Variants in RAB3GAP2 observed in about 807,000 individuals in gnomAD.
The protein encoded by RAB3GAP2 is RAB3 GTPase activating non-catalytic protein subunit 2.
Under a neutral mutation model 185.3 loss-of-function variants are expected in RAB3GAP2, and 87 were observed. That is an observed-to-expected ratio of 0.47 (90% CI 0.39 to 0.56). The LOEUF is 0.56. Among genes scored for constraint, RAB3GAP2 ranks in the 20% least tolerant of loss-of-function variants. RAB3GAP2 has a pLI of 0.00. For missense variants in RAB3GAP2, 1,492 were observed against 1,638.2 expected (o/e 0.91, Z 1.54); for synonymous variants, 554 against 576.1 (o/e 0.96, Z 0.55).
rs1457626488 is a variant in RAB3GAP2, at chr1:220,172,691, G to A, written c.2362C>T (p.Pro788Ser). ...LSKEKDILDK[P>S]QSICCLHTML... ...GTATGAAGACAGCAGATTGACTGTGGTTTATCCAAAATATCCTTTTCCTTT... is the reference window on the plus strand; with the variant it reads ...GTATGAAGACAGCAGATTGACTGTGATTTATCCAAAATATCCTTTTCCTTT... Residue 788 changes from proline (P) to serine (S), a missense_variant, in exon 22 of 35, where the codon CCA (proline) becomes TCA (serine). Physicochemically the swap from Pro to Ser is moderately conservative, Grantham distance 74 (BLOSUM62 -1). Transcript: ENST00000358951. 5 of 1,613,286 alleles carry A rather than the reference G, an allele frequency of 3.1e-6. No homozygotes were observed. In the East Asian group the frequency reaches 8.9e-5, roughly 29 times the overall value.
In RAB3GAP2 at chr1:220,172,019, G is replaced by A. The variant is rs1399533939; in HGVS notation, c.2447C>T (p.Ser816Phe). ...CATCTGCTGCCACCATGGGGACACA[G>A]ACTGAGAATCCCAGGTCTCATCGAT... ...VAIDETWDSQ[S>F]VSPWWQQMRT... The change falls in exon 23 of 35, where the codon TCT becomes TTT. Residue 816 changes from serine (S) to phenylalanine (F), a missense_variant. Coordinates refer to ENST00000358951, the MANE Select transcript of RAB3GAP2 (RefSeq NM_012414.4). 1 of 1,614,192 alleles carries A rather than the reference G, an allele frequency of 6.2e-7. No homozygotes were observed. The highest frequency in any genetic ancestry group is 8.5e-7 in the Non-Finnish European group (1 of 1,180,028).
chr1:220,200,727 C>A (rs553041232), intron 9 of RAB3GAP2: 1 of 478,860 alleles, frequency 2.1e-6, no homozygotes, highest in East Asian at 5.6e-5. Flanking sequence ...GAAATGTTTA[C>A]CAATAGGTTT....
At chr1:220,182,635 G>C in intron 20 of RAB3GAP2, 83 bp downstream of exon 20, 1 of 1,273,364 alleles carries the variant, frequency 7.9e-7, no homozygotes, top group Non-Finnish European at 1.1e-6. Context: ...AAAACAAATG[G>C]AATCTCTGAG....
intron 33 of RAB3GAP2, among the ~76,000 whole-genome samples, chr1:220,152,075 C>CT (rs918649857): frequency 1.2e-4 from 18 of 151,806 alleles, no homozygotes; most frequent in East Asian, 3.9e-4. Context: ...CCTCTAATGG[C>CT]TTTTTTTTGT....
chr1:220,150,451 C>CTTTTTTTTTTTTTTTT lies in RAB3GAP2; in HGVS notation c.*784_*799dup, dbSNP rs35147354. ...GACTTAAAATTTTTAGTATCTTTGC[C>CTTTTTTTTTTTTTTTT]TTTTTTTTTTTTTTTTTTTTACATA... On this transcript the variant is annotated 3_prime_UTR_variant, in exon 35 of 35. Transcript: ENST00000358951. 8.0e-6 allele frequency: 1 copy of CTTTTTTTTTTTTTTTT among 125,520 alleles called. No individual in the cohort carries two copies. The allele number at this position is 125,520 out of a possible 1,614,324, so 7.8% of individuals were successfully genotyped here.
intron 8 of RAB3GAP2, among the ~76,000 whole-genome samples, chr1:220,204,630 A>C (rs1003209476): frequency 3.9e-5 from 6 of 152,184 alleles, no homozygotes; most frequent in East Asian, 1.9e-4. Context: ...ACATGTGCAC[A>C]ATGTGCAGGA....
chr1:220,187,602 T>C (rs1658529317), intron 17 of RAB3GAP2, among the ~76,000 whole-genome samples: 1 of 152,108 alleles, frequency 6.6e-6, no homozygotes, highest in Non-Finnish European at 1.5e-5. Flanking sequence ...CAATCATGCT[T>C]ATATAATGAA....
intron 1 of RAB3GAP2, among the ~76,000 whole-genome samples, chr1:220,233,662 T>C (rs767913288): frequency 6.6e-6 from 1 of 152,018 alleles, no homozygotes; most frequent in African/African-American, 2.4e-5. Context: ...TTGAACTTTA[T>C]CATCTTTAAA....
chr1:220,172,062 G>A lies in RAB3GAP2; in HGVS notation c.2417-13C>T. 2 of 1,613,782 alleles carry A rather than the reference G, an allele frequency of 1.2e-6. No homozygotes were observed. The highest frequency in any genetic ancestry group is 2.2e-5 in the East Asian group (1 of 44,866). On this transcript the variant is annotated splice_polypyrimidine_tract_variant and intron_variant, in intron 22 of 34. Transcript: ENST00000358951. ...TCATCGATGGCCACTATAGGGATAG[G>A]AGAAAACAGAAAAATAAACTCTTAC...
intron 9 of RAB3GAP2, chr1:220,200,469 C>T: frequency 4.6e-6 from 2 of 437,394 alleles, no homozygotes; most frequent in Non-Finnish European, 9.4e-6. Flanking sequence ...AATAGGTACT[C>T]ATTTATTTGT....
At chr1:220,258,700 C>T (rs1269641033) in intron 1 of RAB3GAP2, among the ~76,000 whole-genome samples, 2 of 152,186 alleles carry the variant, frequency 1.3e-5, no homozygotes, top group Admixed American at 6.5e-5. Context: ...CCTCTCTCAC[C>T]ACTCTTATTC....
At chr1:220,165,644 T>C (rs1013153364) in intron 26 of RAB3GAP2, among the ~76,000 whole-genome samples, 11 of 152,080 alleles carry the variant, frequency 7.2e-5, no homozygotes, top group Admixed American at 2.0e-4. Flanking sequence ...GAATATTTAA[T>C]GGGAAAAACA....
chr1:220,202,690 C>T (rs1210930506), intron 8 of RAB3GAP2, among the ~76,000 whole-genome samples: 1 of 152,194 alleles, frequency 6.6e-6, no homozygotes, highest in East Asian at 1.9e-4. Context: ...TGCCTGTAAT[C>T]CCAGCACTTT....
intron 20 of RAB3GAP2, 147 bp from the exon 21 acceptor site, chr1:220,182,501 G>A: frequency 6.8e-7 from 1 of 1,468,130 alleles, no homozygotes; most frequent in South Asian, 1.3e-5. Context: ...ATTTATTAAA[G>A]CAGAAAGCAA....
In RAB3GAP2 at chr1:220,157,824, T is replaced by C. The variant is rs775333082; in HGVS notation, c.3314A>G (p.Asp1105Gly). ...TACCTCCATTAAGATCTGAAGAAGA[T>C]CCAAACAGGAGCCGAGGAAAGATGT... ...AMTSFLGSCL[D>G]LLQILMEADV... Residue 1105 changes from aspartate (D) to glycine (G), a missense_variant, in exon 30 of 35, where the codon GAT (aspartate) becomes GGT (glycine). Physicochemically the swap from Asp to Gly is moderately conservative, Grantham distance 94. Around this residue, in one of 5 missense-constraint regions of RAB3GAP2, gnomAD observed 387 missense variants for 455.3 expected, o/e 0.85. Transcript: ENST00000358951. The C allele has an allele frequency of 1.5e-5, 25 of 1,613,172 alleles. No individual in the cohort carries two copies. The highest frequency in any genetic ancestry group is 2.0e-5 in the Non-Finnish European group (24 of 1,179,282).
intron 1 of RAB3GAP2, among the ~76,000 whole-genome samples, chr1:220,250,402 C>CA (rs1295089730): frequency 2.0e-5 from 3 of 152,234 alleles, no homozygotes; most frequent in South Asian, 2.1e-4. Flanking sequence ...TGCCTGTACT[C>CA]ACATTGTATA....
At chr1:220,213,364 A>G (rs1659118705) in intron 3 of RAB3GAP2, among the ~76,000 whole-genome samples, 1 of 152,164 alleles carries the variant, frequency 6.6e-6, no homozygotes, top group Non-Finnish European at 1.5e-5. Context: ...CATTTTACAC[A>G]CAATCTTACT....
intron 17 of RAB3GAP2, among the ~76,000 whole-genome samples, chr1:220,186,473 T>C (rs1040408936): frequency 6.6e-6 from 1 of 152,096 alleles, no homozygotes; most frequent in African/African-American, 2.4e-5. Context: ...GCTTAGAGGG[T>C]GGCTCAAGAT....
chr1:220,262,325 AC>A (rs1447779698), intron 1 of RAB3GAP2, among the ~76,000 whole-genome samples: 18 of 152,060 alleles, frequency 1.2e-4, no homozygotes, highest in Admixed American at 6.5e-4. Context: ...AAACAAACAA[AC>A]AAACAAAAAA....
Sources: gnomAD v4.1 joint callset for allele counts (sites outside exome capture counted in the v4.1 genomes callset) on GRCh38, gnomAD v4.1.1 for gene constraint, gnomAD v4.1.1 regional missense constraint, MANE v1.5 for transcripts, NCBI Gene and HGNC (gene_info 2026-07-23, HGNC 2026-07-21) for gene names.